The following ZFHX3 variants were observed in gnomAD, a reference collection of about 807,000 sequenced individuals.
ZFHX3 encodes zinc finger homeobox 3.
A neutral mutation model predicts 279.1 loss-of-function variants in ZFHX3; 42 were observed. That is an observed-to-expected ratio of 0.15 (90% confidence interval 0.12 to 0.19). The LOEUF is 0.19. Among genes scored for constraint, ZFHX3 ranks in the 10% least tolerant of loss-of-function variants. ZFHX3 has a pLI of 1.00. For synonymous variants in ZFHX3, 2,293 were observed against 1,957.8 expected, an observed-to-expected ratio of 1.17 and a Z score of -4.52; for missense variants, 4,981 against 4,754.0, an observed-to-expected ratio of 1.05 and a Z score of -1.40.
rs148459302 is a variant in ZFHX3 at position 73,207,204 on chromosome 16, T to A, written c.-1104+49843A>T. ...AGGCTGTCAAGAACATTCATGAAAC[T>A]TAAACCCAGAGGAAAGAGCCAGCAA... On this transcript the variant is annotated intron_variant, in intron 5 of 17. Coordinates refer to the ZFHX3 transcript ENST00000641206. Among the ~76,000 whole-genome samples, 351 of 152,268 alleles carry A rather than the reference T, an allele frequency of 2.3e-3. 2 individuals carry two copies. Among genetic ancestry groups the A allele is most frequent in the African/African-American group, 8.1e-3 (336 of 41,544 alleles).
intron 2 of ZFHX3, among the ~76,000 whole-genome samples, chr16:73,549,322 CA>C (rs1652206758): frequency 6.6e-6 from 1 of 152,078 alleles, no homozygotes; most frequent in South Asian, 2.1e-4. Flanking sequence ...TCAGGTATTT[CA>C]AATATATTTA....
chr16:73,230,902 G>A (rs1311213107), intron 5 of ZFHX3, among the ~76,000 whole-genome samples: 1 of 152,190 alleles, frequency 6.6e-6, no homozygotes, highest in African/African-American at 2.4e-5. Flanking sequence ...GAGGGCGGGG[G>A]GAGCTGGAAT....
chr16:73,766,470 C>A (rs546330367), intron 1 of ZFHX3, among the ~76,000 whole-genome samples: 1 of 152,206 alleles, frequency 6.6e-6, no homozygotes, highest in Non-Finnish European at 1.5e-5. Context: ...ATCTCTTTGA[C>A]ATCCATAGCC....
chr16:73,290,226 CCTAA>C (rs913230750), intron 4 of ZFHX3, among the ~76,000 whole-genome samples: 8 of 152,062 alleles, frequency 5.3e-5, no homozygotes, highest in East Asian at 1.9e-4. Flanking sequence ...TCGTGAATTC[CCTAA>C]CTGACAGCCC....
intron 3 of ZFHX3, among the ~76,000 whole-genome samples, chr16:72,929,457 C>A (rs1959670089): frequency 6.6e-6 from 1 of 152,154 alleles, no homozygotes; most frequent in African/African-American, 2.4e-5. Context: ...AAATGCACCC[C>A]AAGCTCTAAG....
At chr16:73,197,210 A>G (rs943676509) in intron 5 of ZFHX3, among the ~76,000 whole-genome samples, 1 of 152,226 alleles carries the variant, frequency 6.6e-6, no homozygotes, top group African/African-American at 2.4e-5. Flanking sequence ...CTCCTGTCTA[A>G]GCATTTCAAA....
chr16:73,617,767 C>G (rs549552549), intron 2 of ZFHX3, among the ~76,000 whole-genome samples: 48 of 152,182 alleles, frequency 3.2e-4, no homozygotes, highest in African/African-American at 1.2e-3. Context: ...AAAATGTTAA[C>G]TTGTTTTTTT....
chr16:73,152,080 G>A (rs1290641336), intron 5 of ZFHX3, among the ~76,000 whole-genome samples: 1 of 152,020 alleles, frequency 6.6e-6, no homozygotes. Context: ...ACTCCAACAA[G>A]ATATTTTCAG....
At chr16:73,677,956 A>G (rs1051669150) in intron 2 of ZFHX3, among the ~76,000 whole-genome samples, 2 of 152,108 alleles carry the variant, frequency 1.3e-5, no homozygotes. Flanking sequence ...GAATGACTCA[A>G]TATTACACAG....
At chr16:73,183,879 G>C (rs12149381) in intron 5 of ZFHX3, among the ~76,000 whole-genome samples, 256 of 151,992 alleles carry the variant, frequency 1.7e-3, no homozygotes, top group Middle Eastern at 3.4e-3. Context: ...CTTATGCTCT[G>C]CTTGCTGAAA....
intron 4 of ZFHX3, among the ~76,000 whole-genome samples, chr16:73,308,657 G>A (rs1315971627): frequency 6.6e-6 from 1 of 151,948 alleles, no homozygotes; most frequent in African/African-American, 2.4e-5. Flanking sequence ...AGGAAATGAG[G>A]AACTTGATTA....
intron 1 of ZFHX3, among the ~76,000 whole-genome samples, chr16:72,965,025 C>A (rs961802467): frequency 1.3e-5 from 2 of 152,026 alleles, no homozygotes; most frequent in Non-Finnish European, 2.9e-5. Flanking sequence ...CTACAGGCGA[C>A]CACCACCACG....
In ZFHX3 at chr16:72,969,550, A is replaced by G. The variant is rs147792658; in HGVS notation, c.-49-9356T>C. On this transcript the variant is annotated intron_variant, in intron 1 of 9. Transcript: ENST00000268489. ...CTCCAGCAGCCCCCAGAGTGTGAGCATTGTTAAATCCAGGCTAAAACATAT... is the reference window on the plus strand; with the variant it reads ...CTCCAGCAGCCCCCAGAGTGTGAGCGTTGTTAAATCCAGGCTAAAACATAT... Among the ~76,000 whole-genome samples the G allele has an allele frequency of 1.1e-3, 160 of 152,144 alleles. 1 individual carries two copies. The Middle Eastern group carries it at 0.014, about 13-fold the overall frequency.
At chr16:73,342,445 T>C (rs2016050331) in intron 3 of ZFHX3, among the ~76,000 whole-genome samples, 1 of 152,046 alleles carries the variant, frequency 6.6e-6, no homozygotes, top group African/African-American at 2.4e-5. Flanking sequence ...AGAAGACTGG[T>C]TGGATAAACG....
At chr16:73,266,949 C>T (rs566639398) in intron 4 of ZFHX3, among the ~76,000 whole-genome samples, 1 of 152,296 alleles carries the variant, frequency 6.6e-6, no homozygotes, top group African/African-American at 2.4e-5. Context: ...TGAAAACATA[C>T]CAATACACTT....
chr16:73,687,616 G>A (rs915233680), intron 1 of ZFHX3, among the ~76,000 whole-genome samples: 1 of 152,000 alleles, frequency 6.6e-6, no homozygotes, highest in Non-Finnish European at 1.5e-5. Flanking sequence ...GGCCAAGGCA[G>A]GTGGATCACG....
At chr16:73,697,568 C>G (rs933308034) in intron 1 of ZFHX3, among the ~76,000 whole-genome samples, 1 of 152,156 alleles carries the variant, frequency 6.6e-6, no homozygotes, top group African/African-American at 2.4e-5. Flanking sequence ...CATTGATATG[C>G]AAATACAGTG....
Position 72,795,375 on chromosome 16 carries a change from G to A in ZFHX3, c.7307C>T (p.Pro2436Leu). The A allele has an allele frequency of 6.2e-6, 10 of 1,614,064 alleles. No individual in the cohort carries two copies. Among genetic ancestry groups the A allele is most frequent in the Non-Finnish European group, 8.5e-6 (10 of 1,180,004 alleles). Residue 2436 changes from proline (P) to leucine (L), a missense_variant, in exon 9 of 10, where the codon CCC becomes CTC. Around this residue, in one of 7 missense-constraint regions of ZFHX3, gnomAD observed 744 missense variants for 701.3 expected, o/e 1.06. Coordinates refer to ENST00000268489, the MANE Select transcript of ZFHX3 (RefSeq NM_006885.4). ...TTGGGTTTGGTTTGGCTGTGCACTG[G>A]GAGCTTCCGCCAGCTTTGGTTTCTC... ...GDEKPKLAEAPSAQPNQTQEK... is the reference protein window; with the variant it reads ...GDEKPKLAEALSAQPNQTQEK...
intron 1 of ZFHX3, among the ~76,000 whole-genome samples, chr16:73,699,466 C>T (rs1007223684): frequency 1.3e-5 from 2 of 152,058 alleles, no homozygotes; most frequent in Non-Finnish European, 2.9e-5. Context: ...CTTTGAAAAG[C>T]TTTTCATATA....
Sources: gnomAD v4.1 joint callset for allele counts (sites outside exome capture counted in the v4.1 genomes callset) on GRCh38, gnomAD v4.1.1 for gene constraint, gnomAD v4.1.1 regional missense constraint, MANE v1.5 for transcripts, NCBI Gene and HGNC (gene_info 2026-07-23, HGNC 2026-07-21) for gene names.